The following ROBO1 variants were observed in gnomAD, a reference collection of about 807,000 sequenced individuals.
ROBO1 encodes the protein roundabout homolog 1.
Under a neutral mutation model 195.9 loss-of-function variants are expected in ROBO1, and 149 were observed. That is an observed-to-expected ratio of 0.76 (90% CI 0.67 to 0.87). The LOEUF (loss-of-function observed/expected upper bound fraction) is 0.87. Among genes scored for constraint, ROBO1 ranks in the 40% least tolerant of loss-of-function variants. The pLI is 0.00. For synonymous variants in ROBO1, 816 were observed against 733.2 expected (o/e 1.11, Z -1.82); for missense variants, 1,933 against 2,068.3 (o/e 0.93, Z 1.27).
chr3:78,867,823 T>A (rs2035277299), intron 4 of ROBO1, among the ~76,000 whole-genome samples: 1 of 152,108 alleles, frequency 6.6e-6, no homozygotes, highest in African/African-American at 2.4e-5. Context: ...TATCTTGTGA[T>A]TCATAAAACC....
chr3:79,199,285 A>G (rs554161037), intron 2 of ROBO1, among the ~76,000 whole-genome samples: 16 of 151,912 alleles, frequency 1.1e-4, no homozygotes, highest in African/African-American at 3.9e-4. Context: ...AATATAGGAA[A>G]TTTATAGTTT....
intron 2 of ROBO1, among the ~76,000 whole-genome samples, chr3:79,295,334 C>A (rs1197711536): frequency 1.3e-5 from 2 of 152,140 alleles, no homozygotes; most frequent in South Asian, 2.1e-4. Flanking sequence ...TCATTCTCAG[C>A]AAACTAACAC....
intron 1 of ROBO1, among the ~76,000 whole-genome samples, chr3:79,651,937 A>G (rs1190969649): frequency 2.6e-5 from 4 of 152,176 alleles, no homozygotes; most frequent in Non-Finnish European, 5.9e-5. Flanking sequence ...TCTAGGTCAC[A>G]GTACAGTTCA....
intron 2 of ROBO1, among the ~76,000 whole-genome samples, chr3:79,428,165 A>G (rs1349613470): frequency 6.6e-6 from 1 of 152,184 alleles, no homozygotes; most frequent in African/African-American, 2.4e-5. Context: ...ATTTATCAAA[A>G]AAGACATATA....
intron 18 of ROBO1, among the ~76,000 whole-genome samples, chr3:78,654,488 T>G (rs1284202882): frequency 6.6e-6 from 1 of 152,226 alleles, no homozygotes; most frequent in South Asian, 2.1e-4. Flanking sequence ...ATTCTTCTTA[T>G]CCCTAATACA....
chr3:79,031,722 GATT>G (rs1032580545), intron 3 of ROBO1, among the ~76,000 whole-genome samples: 87 of 148,570 alleles, frequency 5.9e-4, no homozygotes, highest in African/African-American at 2.3e-3. Context: ...AACATTAATT[GATT>G]ATTATTATTG....
At chr3:79,088,545 T>C (rs574938215) in intron 3 of ROBO1, among the ~76,000 whole-genome samples, 2 of 152,274 alleles carry the variant, frequency 1.3e-5, no homozygotes, top group East Asian at 1.9e-4. Context: ...AGTGAGCACA[T>C]TGTAAAGAGA....
At chr3:79,073,043 A>G (rs1211062898) in intron 3 of ROBO1, among the ~76,000 whole-genome samples, 3 of 152,006 alleles carry the variant, frequency 2.0e-5, no homozygotes, top group African/African-American at 7.2e-5. Flanking sequence ...CTAAAAACTG[A>G]CAAAATAATA....
chr3:79,525,278 ATATT>A (rs1941380391), intron 2 of ROBO1, among the ~76,000 whole-genome samples: 1 of 150,094 alleles, frequency 6.7e-6, no homozygotes, highest in South Asian at 2.1e-4. Flanking sequence ...AATTACATAT[ATATT>A]TAATTATGTA....
chr3:78,719,350 T>C (rs1468894430), intron 5 of ROBO1, among the ~76,000 whole-genome samples: 1 of 152,152 alleles, frequency 6.6e-6, no homozygotes, highest in African/African-American at 2.4e-5. Flanking sequence ...TATTTTTTCA[T>C]ACATATTTAA....
chr3:79,639,734 C>T (rs1374764540), intron 1 of ROBO1, among the ~76,000 whole-genome samples: 2 of 152,048 alleles, frequency 1.3e-5, no homozygotes, highest in Non-Finnish European at 2.9e-5. Context: ...TATTTATCAA[C>T]AAAGCAAAAG....
chr3:79,743,037 C>T lies in ROBO1; in HGVS notation c.-51+24715G>A, dbSNP rs117369967. Among the ~76,000 whole-genome samples, 48 of 152,328 alleles carry T rather than the reference C, an allele frequency of 3.2e-4. 1 individual carries two copies. The East Asian group carries it at 9.3e-3, about 29-fold the overall frequency. ...AAACATATTCCCAAAAAGTAACTTCCTCTTTCTGAGATAGAGCCTTGTTTA... is the reference window on the plus strand; with the variant it reads ...AAACATATTCCCAAAAAGTAACTTCTTCTTTCTGAGATAGAGCCTTGTTTA... On this transcript the variant is annotated intron_variant, in intron 1 of 30. Coordinates refer to ENST00000464233, the MANE Select transcript of ROBO1 (RefSeq NM_002941.4).
intron 2 of ROBO1, among the ~76,000 whole-genome samples, chr3:79,331,161 T>C (rs2034424217): frequency 6.6e-6 from 1 of 152,186 alleles, no homozygotes; most frequent in African/African-American, 2.4e-5. Context: ...GAGCAGAACT[T>C]TAAGAAAATG....
At chr3:79,501,851 C>A (rs1298938057) in intron 2 of ROBO1, among the ~76,000 whole-genome samples, 4 of 152,156 alleles carry the variant, frequency 2.6e-5, no homozygotes, top group Non-Finnish European at 5.9e-5. Context: ...GAATAACGGC[C>A]AGTATCAGTT....
intron 4 of ROBO1, among the ~76,000 whole-genome samples, chr3:78,850,309 A>G (rs72896443): frequency 0.028 from 4,253 of 152,264 alleles, 145 homozygotes; most frequent in African/African-American, 0.087. Flanking sequence ...GAGTAGCTAA[A>G]TAAGGACAAT....
intron 5 of ROBO1, among the ~76,000 whole-genome samples, chr3:78,734,429 G>A (rs1020598372): frequency 2.0e-5 from 3 of 151,024 alleles, no homozygotes; most frequent in Non-Finnish European, 4.4e-5. Flanking sequence ...GGATATGGTT[G>A]CACATACTGT....
At chr3:79,364,200 G>A (rs2871632) in intron 2 of ROBO1, among the ~76,000 whole-genome samples, 84,010 of 149,824 alleles carry the variant, frequency 0.56, 23,854 homozygotes, top group African/African-American at 0.64. Flanking sequence ...GCGAGACTCC[G>A]TCAAAAACAA....
At chr3:78,660,199 G>A (rs554138122) in intron 16 of ROBO1, 26 of 162,480 alleles carry the variant, frequency 1.6e-4, no homozygotes, top group African/African-American at 5.8e-4. Context: ...GGGGTTACAG[G>A]CGTGAGCCAC....
Position 79,041,475 on chromosome 3 carries a change from C to CT in ROBO1, c.172+83980dup, listed in dbSNP as rs34678849. Among the ~76,000 whole-genome samples the CT allele has an allele frequency of 4.4e-3, 628 of 143,806 alleles. 5 individuals are homozygous for CT. Among genetic ancestry groups the CT allele is most frequent in the Middle Eastern group, 0.026 (7 of 274 alleles). The allele number at this position is 143,806 out of a possible 152,430, so 94.3% of individuals were successfully genotyped here. ...AATTATTAGTCCTATGTTGCAGAAA[C>CT]TTTTTTTTTTTTTGCAATCCCATAG... On this transcript the variant is annotated intron_variant, in intron 3 of 30. Coordinates refer to ENST00000464233, the MANE Select transcript of ROBO1 (RefSeq NM_002941.4).
Sources: gnomAD v4.1 joint callset for allele counts (sites outside exome capture counted in the v4.1 genomes callset) on GRCh38, gnomAD v4.1.1 for gene constraint, MANE v1.5 for transcripts, NCBI Gene and HGNC (gene_info 2026-07-23, HGNC 2026-07-21) for gene names.